The following SGCE variants were observed in gnomAD, a reference collection of about 807,000 sequenced individuals.
SGCE encodes sarcoglycan epsilon, also known as epsilon-sarcoglycan.
In SGCE, 26 loss-of-function variants were observed where a neutral mutation model predicts 57.8. The ratio of observed to expected loss-of-function variants is 0.45; its 90% CI spans 0.33 to 0.62. SGCE has a LOEUF of 0.62. SGCE is among the 20% of genes least tolerant of loss of function. The pLI is 0.02. For synonymous variants in SGCE, 183 were observed against 189.5 expected, an observed-to-expected ratio of 0.97 and a Z score of 0.28; for missense variants, 468 against 548.6, an observed-to-expected ratio of 0.85 and a Z score of 1.47.
At chr7:94,640,674 G>A (rs950087958) in intron 1 of SGCE, among the ~76,000 whole-genome samples, 2 of 152,104 alleles carry the variant, frequency 1.3e-5, no homozygotes, top group African/African-American at 4.8e-5. Flanking sequence ...TTGAGATGGA[G>A]TCTCACTCTG....
At chr7:94,606,858 A>G (rs1800221496) in intron 5 of SGCE, among the ~76,000 whole-genome samples, 1 of 152,198 alleles carries the variant, frequency 6.6e-6, no homozygotes, top group African/African-American at 2.4e-5. Flanking sequence ...GACTTCAAAA[A>G]TTGCACATGG....
rs1361860615 is a variant in SGCE at position 94,615,735 on chromosome 7, T to C, written c.662+3023A>G. Among the ~76,000 whole-genome samples the C allele has an allele frequency of 2.6e-5, 4 of 152,186 alleles. No homozygotes were observed. In the East Asian group the frequency reaches 7.7e-4, roughly 29 times the overall value. On this transcript the variant is annotated intron_variant, in intron 5 of 10. Transcript: ENST00000648936. ...TCTCTTAGGAAAAGTGAGTATATTCTTTAATCCTCACACCCCATCATTCCC... is the reference window on the plus strand; with the variant it reads ...TCTCTTAGGAAAAGTGAGTATATTCCTTAATCCTCACACCCCATCATTCCC...
At chr7:94,631,145 T>C (rs1363337821) in intron 1 of SGCE, among the ~76,000 whole-genome samples, 1 of 143,898 alleles carries the variant, frequency 6.9e-6, no homozygotes, top group Non-Finnish European at 1.5e-5. Context: ...TCCTGATTTG[T>C]TTTGTACTAG....
At chr7:94,618,383 T>C (rs1802253666) in intron 5 of SGCE, 1 of 176,692 alleles carries the variant, frequency 5.7e-6, no homozygotes, top group African/African-American at 2.4e-5. Context: ...GATGAAGAAA[T>C]AGTTTCCTAG....
chr7:94,594,165 G>C (rs983360629), intron 9 of SGCE, among the ~76,000 whole-genome samples: 1 of 152,018 alleles, frequency 6.6e-6, no homozygotes, highest in African/African-American at 2.4e-5. Context: ...GGTCAAATAC[G>C]TAATAGATTT....
At position 94,655,162 on chromosome 7, in the gene SGCE, A is replaced by G. The variant is rs892244058; in HGVS notation, c.109+828T>C. 9.8e-4 allele frequency among the ~76,000 whole-genome samples: 149 copies of G among 152,250 alleles called. 1 individual carries two copies. Among genetic ancestry groups the G allele is most frequent in the Admixed American group, 9.7e-3 (149 of 15,286 alleles). Reference sequence around the variant, plus strand: ...CGCATTCATTCACCCTACAAGATTTAGGAAAATGTAACGTTGCAAGGGAAG... The same window carrying G: ...CGCATTCATTCACCCTACAAGATTTGGGAAAATGTAACGTTGCAAGGGAAG... On this transcript the variant is annotated intron_variant, in intron 1 of 10. Coordinates refer to ENST00000648936, the MANE Select transcript of SGCE (RefSeq NM_003919.3).
intron 9 of SGCE, chr7:94,590,874 C>G (rs1375801765): frequency 6.6e-6 from 1 of 152,094 alleles, no homozygotes; most frequent in Non-Finnish European, 1.5e-5. Flanking sequence ...ATACAACAAT[C>G]TAAAGTGGAA....
chr7:94,642,853 C>A (rs1456882202), intron 1 of SGCE, among the ~76,000 whole-genome samples: 3 of 152,176 alleles, frequency 2.0e-5, no homozygotes, highest in Non-Finnish European at 1.5e-5. Flanking sequence ...ATCACCAGCT[C>A]CTGAGCAAGG....
At chr7:94,600,026 A>G in intron 7 of SGCE, 2 of 284,950 alleles carry the variant, frequency 7.0e-6, no homozygotes, top group Non-Finnish European at 1.3e-5. Context: ...AGAATTTGTT[A>G]CTTGCTGCTT....
intron 9 of SGCE, among the ~76,000 whole-genome samples, chr7:94,592,817 A>T (rs975820971): frequency 6.6e-6 from 1 of 152,184 alleles, no homozygotes. Flanking sequence ...AAGCAAAATG[A>T]TGATTTGCAT....
At chr7:94,651,416 C>T (rs545410613) in intron 1 of SGCE, among the ~76,000 whole-genome samples, 2 of 152,166 alleles carry the variant, frequency 1.3e-5, no homozygotes, top group African/African-American at 2.4e-5. Context: ...TAACCAGGGA[C>T]GATACCCTGA....
chr7:94,649,466 A>C (rs1807577212), intron 1 of SGCE, among the ~76,000 whole-genome samples: 1 of 152,234 alleles, frequency 6.6e-6, no homozygotes, highest in African/African-American at 2.4e-5. Flanking sequence ...AGCCAGAGCA[A>C]GCAAGCACTG....
At chr7:94,639,076 G>A (rs1232245442) in intron 1 of SGCE, among the ~76,000 whole-genome samples, 1 of 152,156 alleles carries the variant, frequency 6.6e-6, no homozygotes, top group Non-Finnish European at 1.5e-5. Context: ...TAAAAGGTAA[G>A]TTAAAAACAT....
At chr7:94,653,479 G>A (rs1035531810) in intron 1 of SGCE, among the ~76,000 whole-genome samples, 2 of 152,040 alleles carry the variant, frequency 1.3e-5, no homozygotes, top group African/African-American at 2.4e-5. Flanking sequence ...AAATATCTGA[G>A]AAAATCCAAA....
intron 10 of SGCE, chr7:94,588,465 G>T: frequency 7.4e-7 from 1 of 1,356,024 alleles, no homozygotes. Context: ...GACCTCCATG[G>T]ATGCTTTTGC....
At chr7:94,609,564 A>G (rs985460199) in intron 5 of SGCE, among the ~76,000 whole-genome samples, 6 of 152,220 alleles carry the variant, frequency 3.9e-5, no homozygotes, top group Non-Finnish European at 8.8e-5. Context: ...CAGAGACCTT[A>G]ACAGACACCT....
At chr7:94,592,742 C>A (rs1029347761) in intron 9 of SGCE, among the ~76,000 whole-genome samples, 2 of 151,990 alleles carry the variant, frequency 1.3e-5, no homozygotes, top group African/African-American at 4.8e-5. Flanking sequence ...ATACCCTATA[C>A]CGTAATTCTG....
chr7:94,603,556 A>T, intron 5 of SGCE, 104 bp from the exon 6 acceptor site: 1 of 1,051,794 alleles, frequency 9.5e-7, no homozygotes, highest in Non-Finnish European at 1.4e-6. Context: ...TGAGAGATTA[A>T]CTAGACTCAT....
intron 1 of SGCE, among the ~76,000 whole-genome samples, chr7:94,635,277 G>C (rs1030443304): frequency 6.6e-6 from 1 of 152,130 alleles, no homozygotes; most frequent in African/African-American, 2.4e-5. Context: ...CTTAGTTTAA[G>C]TATTGCCTTA....
Sources: allele counts gnomAD v4.1 joint callset (sites outside exome capture counted in the v4.1 genomes callset), GRCh38; gene constraint gnomAD v4.1.1; transcripts MANE v1.5; gene names NCBI Gene and HGNC (gene_info 2026-07-23, HGNC 2026-07-21).